CBX1: variants seen among roughly 807,000 people sequenced by gnomAD.
The protein encoded by CBX1 is chromobox protein homolog 1.
In CBX1, 10 loss-of-function variants were observed where a neutral mutation model predicts 25.1. That is an observed-to-expected ratio of 0.40 (90% confidence interval 0.25 to 0.68). The LOEUF (loss-of-function observed/expected upper bound fraction) is 0.68, where lower values mean the gene tolerates loss of function less well. CBX1 is among the 30% of genes least tolerant of loss of function. CBX1 has a pLI of 0.40. For missense variants in CBX1, 106 were observed against 218.5 expected, an observed-to-expected ratio of 0.49 and a Z score of 3.25; for synonymous variants, 63 against 79.4, an observed-to-expected ratio of 0.79 and a Z score of 1.10.
intron 1 of CBX1, among the ~76,000 whole-genome samples, chr17:48,094,370 G>A (rs573752911): frequency 1.3e-4 from 19 of 151,920 alleles, no homozygotes; most frequent in African/African-American, 4.3e-4. Flanking sequence ...GGAGGTGAAG[G>A]CTGCAGTGAA....
At chr17:48,082,213 G>A (rs1347008105) in intron 1 of CBX1, among the ~76,000 whole-genome samples, 3 of 151,282 alleles carry the variant, frequency 2.0e-5, no homozygotes, top group Non-Finnish European at 2.9e-5. Context: ...TTAAAAAAAT[G>A]ATAAAGAGGC....
chr17:48,096,281 C>G (rs1458334358), intron 1 of CBX1: 1 of 859,890 alleles, frequency 1.2e-6, no homozygotes, highest in African/African-American at 1.8e-5. Context: ...GAGATGTGTT[C>G]TGAAACTTGG....
chr17:48,094,434 CAA>C (rs879711659), intron 1 of CBX1, among the ~76,000 whole-genome samples: 1 of 127,002 alleles, frequency 7.9e-6, no homozygotes, highest in South Asian at 2.5e-4. Flanking sequence ...ACTCTGTCTC[CAA>C]AAAAAAAAAG....
intron 1 of CBX1, among the ~76,000 whole-genome samples, chr17:48,087,872 C>CAAAAAAA (rs531431865): frequency 2.2e-5 from 2 of 89,400 alleles, no homozygotes; most frequent in South Asian, 4.3e-4. Context: ...GACTCAGTCT[C>CAAAAAAA]AAAAAAAAAA....
intron 4 of CBX1, among the ~76,000 whole-genome samples, chr17:48,074,066 A>G (rs1489981344): frequency 6.6e-6 from 1 of 152,162 alleles, no homozygotes; most frequent in Non-Finnish European, 1.5e-5. Flanking sequence ...CTGCCTAGGG[A>G]ATACATAGAA....
At chr17:48,074,864 A>AG in intron 4 of CBX1, 142 bp downstream of exon 4, 1 of 701,884 alleles carries the variant, frequency 1.4e-6, no homozygotes, top group Non-Finnish European at 2.6e-6. Context: ...AGTCAGGCCG[A>AG]GGGTCACTAT....
chr17:48,071,693 G>A, intron 4 of CBX1, 114 bp from the exon 5 acceptor site: 1 of 869,038 alleles, frequency 1.2e-6, no homozygotes, highest in East Asian at 2.8e-5. Context: ...ATAGGCTAGG[G>A]AACAATGAAA....
chr17:48,085,704 G>A (rs1382071469), intron 1 of CBX1, among the ~76,000 whole-genome samples: 5 of 152,156 alleles, frequency 3.3e-5, no homozygotes, highest in Non-Finnish European at 7.3e-5. Context: ...GTGCTACATA[G>A]TGTAGAATTT....
intron 1 of CBX1, chr17:48,100,896 G>A: frequency 5.1e-6 from 5 of 985,604 alleles, no homozygotes; most frequent in Non-Finnish European, 4.8e-6. Context: ...GGTCGTATGC[G>A]CCTCCTCACG....
At chr17:48,085,188 T>C (rs1388610607) in intron 1 of CBX1, among the ~76,000 whole-genome samples, 1 of 152,124 alleles carries the variant, frequency 6.6e-6, no homozygotes, top group Non-Finnish European at 1.5e-5. Flanking sequence ...TGCATTATAC[T>C]TTACAGTTTA....
At chr17:48,094,738 G>GAAA (rs35959502) in intron 1 of CBX1, among the ~76,000 whole-genome samples, 12 of 119,336 alleles carry the variant, frequency 1.0e-4, no homozygotes, top group African/African-American at 3.2e-4. Context: ...TGTCTCAAAG[G>GAAA]AAAAAAAAAA....
At chr17:48,092,318 TA>T (rs372155633) in intron 1 of CBX1, among the ~76,000 whole-genome samples, 63 of 148,072 alleles carry the variant, frequency 4.3e-4, no homozygotes, top group Middle Eastern at 6.8e-3. Context: ...TACTATCTAT[TA>T]AAAAAAAAAT....
chr17:48,077,437 T>TG (rs1343992618), intron 1 of CBX1, among the ~76,000 whole-genome samples: 8 of 106,912 alleles, frequency 7.5e-5, no homozygotes, highest in African/African-American at 1.9e-4. Context: ...TTTGTTGTTT[T>TG]TTTTTTTGTT....
intron 1 of CBX1, among the ~76,000 whole-genome samples, chr17:48,078,197 TTG>T (rs2037696133): frequency 1.3e-5 from 2 of 151,960 alleles, no homozygotes; most frequent in African/African-American, 4.8e-5. Context: ...GGATTTGAAT[TTG>T]TTTTTTTTTT....
chr17:48,075,197 C>T (rs2240122), intron 3 of CBX1, 97 bp from the exon 4 acceptor site: 72,993 of 635,592 alleles, frequency 0.11, 2,799 homozygotes, highest in East Asian at 0.17. Context: ...ATCACAAACT[C>T]TTTTTTTTTT....
intron 4 of CBX1, among the ~76,000 whole-genome samples, chr17:48,071,979 T>C (rs1055763227): frequency 1.4e-5 from 2 of 147,348 alleles, no homozygotes; most frequent in East Asian, 2.0e-4. Flanking sequence ...TGGAGAAATC[T>C]TGGCTTTGTA....
chr17:48,075,888 A>T, intron 3 of CBX1, 113 bp downstream of exon 3: 1 of 761,768 alleles, frequency 1.3e-6, no homozygotes, highest in South Asian at 2.2e-5. Context: ...AGCCTACCTA[A>T]GATTTCAGGA....
At chr17:48,098,785 C>T (rs569305858) in intron 1 of CBX1, among the ~76,000 whole-genome samples, 1 of 152,248 alleles carries the variant, frequency 6.6e-6, no homozygotes, top group East Asian at 1.9e-4. Flanking sequence ...TGAAAATCTA[C>T]CAAATCTAAT....
chr17:48,080,470 G>C (rs1456537512), intron 1 of CBX1, among the ~76,000 whole-genome samples: 1 of 152,066 alleles, frequency 6.6e-6, no homozygotes, highest in Non-Finnish European at 1.5e-5. Context: ...GGTAATCCAA[G>C]ACAAGGAAGA....
Sources: allele counts gnomAD v4.1 joint callset (sites outside exome capture counted in the v4.1 genomes callset), GRCh38; gene constraint gnomAD v4.1.1; transcripts MANE v1.5; gene names NCBI Gene and HGNC (gene_info 2026-07-23, HGNC 2026-07-21).